TUSC3: variants seen among roughly 807,000 people sequenced by gnomAD.
TUSC3 encodes tumor suppressor candidate 3.
In TUSC3, 45 loss-of-function variants were observed where a neutral mutation model predicts 44.8. The observed-to-expected ratio is 1.00, with a 90% CI of 0.79 to 1.29. The LOEUF is 1.29. Among genes scored for constraint, TUSC3 ranks in the 50% most tolerant of loss-of-function variants. TUSC3 has a pLI of 0.00. For missense variants in TUSC3, 519 were observed against 437.9 expected (o/e 1.19, Z -1.65); for synonymous variants, 212 against 152.9 (o/e 1.39, Z -2.85).
At chr8:15,568,913 C>A (rs149488126) in intron 1 of TUSC3, among the ~76,000 whole-genome samples, 17 of 151,774 alleles carry the variant, frequency 1.1e-4, no homozygotes, top group African/African-American at 4.1e-4. Context: ...TAAGCTTTAA[C>A]CTCATGGTTT....
intron 1 of TUSC3, among the ~76,000 whole-genome samples, chr8:15,431,530 C>A (rs1191660136): frequency 6.6e-6 from 1 of 151,452 alleles, no homozygotes. Flanking sequence ...GTTGTGTATC[C>A]TGCAGTTTTG....
chr8:15,809,771 G>C, the TUSC3 span, among the ~76,000 whole-genome samples: 15 of 152,134 alleles, frequency 9.9e-5, no homozygotes, highest in East Asian at 2.9e-3. Context: ...ACGGATAAAA[G>C]AACGACTGTA....
intron 1 of TUSC3, among the ~76,000 whole-genome samples, chr8:15,566,830 ACCAT>A (rs1802696882): frequency 6.6e-6 from 1 of 152,018 alleles, no homozygotes; most frequent in Admixed American, 6.6e-5. Flanking sequence ...ACAGGATTTT[ACCAT>A]GTTTCCCAGG....
intron 2 of TUSC3, among the ~76,000 whole-genome samples, chr8:15,528,171 C>G (rs567789579): frequency 6.6e-6 from 1 of 151,896 alleles, no homozygotes; most frequent in Non-Finnish European, 1.5e-5. Flanking sequence ...ATAAAAAATA[C>G]TCAGCTCAGC....
chr8:15,546,490 A>G (rs1180696131), intron 1 of TUSC3, among the ~76,000 whole-genome samples: 2 of 151,912 alleles, frequency 1.3e-5, no homozygotes, highest in South Asian at 2.1e-4. Flanking sequence ...ATATATAAAT[A>G]GATTGAATAT....
intron 6 of TUSC3, among the ~76,000 whole-genome samples, chr8:15,703,926 A>C (rs1227701683): frequency 6.6e-6 from 1 of 152,176 alleles, no homozygotes; most frequent in Non-Finnish European, 1.5e-5. Flanking sequence ...TGTCTGCTCT[A>C]TGCTGTCTTA....
intron 6 of TUSC3, among the ~76,000 whole-genome samples, chr8:15,715,067 A>G (rs1193225989): frequency 6.6e-6 from 1 of 152,144 alleles, no homozygotes; most frequent in Non-Finnish European, 1.5e-5. Flanking sequence ...TGTAAAATGG[A>G]AGAATCTGTA....
the TUSC3 span, among the ~76,000 whole-genome samples, chr8:15,843,328 G>C: frequency 6.6e-6 from 1 of 152,030 alleles, no homozygotes; most frequent in Non-Finnish European, 1.5e-5. Flanking sequence ...AAAGCTGGTG[G>C]AATATATCTT....
chr8:15,446,471 A>G (rs1047664980), intron 1 of TUSC3, among the ~76,000 whole-genome samples: 3 of 152,038 alleles, frequency 2.0e-5, no homozygotes, highest in Non-Finnish European at 4.4e-5. Flanking sequence ...TCCGTCTGCA[A>G]TCCCGGCACC....
intron 1 of TUSC3, among the ~76,000 whole-genome samples, chr8:15,579,915 G>T (rs1803260427): frequency 2.3e-5 from 1 of 42,902 alleles, no homozygotes; most frequent in Non-Finnish European, 5.5e-5. Context: ...TTGACAGTGG[G>T]GTGTTAAAGT....
intron 2 of TUSC3, among the ~76,000 whole-genome samples, chr8:15,633,496 T>C (rs571553977): frequency 9.9e-5 from 15 of 152,218 alleles, no homozygotes; most frequent in Non-Finnish European, 1.5e-4. Context: ...AATAGGATAG[T>C]TGTAGATGTA....
In TUSC3 at chr8:15,728,416, A is replaced by G. The variant is rs536925049; in HGVS notation, c.799-2250A>G. On this transcript the variant is annotated intron_variant, in intron 6 of 10. Coordinates refer to ENST00000503731, the MANE Select transcript of TUSC3 (RefSeq NM_006765.4). The stretch of plus-strand genomic sequence containing the variant: ...TGAATTTGGAATGGATTTTGAAAGT[A>G]GAGCCAACAGTATTTTCTGAATGAT... Among the ~76,000 whole-genome samples the G allele has an allele frequency of 1.1e-4, 16 of 142,652 alleles. No individual in the cohort carries two copies. The South Asian group carries it at 4.0e-3, about 36-fold the overall frequency. 93.6% of individuals were successfully genotyped at this position (142,652 alleles called of 152,430 possible).
Position 15,568,513 on chromosome 8 carries a change from G to T in TUSC3, c.138+27945G>T, listed in dbSNP as rs146769232. On this transcript the variant is annotated intron_variant, in intron 1 of 10. Coordinates refer to ENST00000503731, the MANE Select transcript of TUSC3 (RefSeq NM_006765.4). ...ATTGAATTAGGCTTATGTCATTTGT[G>T]ATTTAAGATGTTTTGATAAACATGA... 5.6e-3 allele frequency among the ~76,000 whole-genome samples: 853 copies of T among 151,942 alleles called. 8 individuals are homozygous for T. Among genetic ancestry groups the T allele is most frequent in the Middle Eastern group, 0.014 (4 of 290 alleles).
chr8:15,748,877 A>C (rs556263823), intron 9 of TUSC3: 1 of 396,058 alleles, frequency 2.5e-6, no homozygotes, highest in South Asian at 1.8e-5. Flanking sequence ...TTTCAAAATA[A>C]GAGCCAACAT....
At chr8:15,736,907 C>G (rs1057295929) in intron 7 of TUSC3, among the ~76,000 whole-genome samples, 1 of 152,030 alleles carries the variant, frequency 6.6e-6, no homozygotes, top group Admixed American at 6.6e-5. Context: ...GCTTTAGTGT[C>G]AACTATATAA....
chr8:15,594,350 C>T (rs1304067933), intron 1 of TUSC3, among the ~76,000 whole-genome samples: 1 of 152,066 alleles, frequency 6.6e-6, no homozygotes, highest in Non-Finnish European at 1.5e-5. Context: ...GTAATTTTAA[C>T]ATCAGTGTCA....
At chr8:15,673,436 T>G (rs983954736) in intron 5 of TUSC3, among the ~76,000 whole-genome samples, 1 of 152,112 alleles carries the variant, frequency 6.6e-6, no homozygotes, top group African/African-American at 2.4e-5. Flanking sequence ...TGCTTCTGAC[T>G]GGCTCAGGTG....
intron 1 of TUSC3, among the ~76,000 whole-genome samples, chr8:15,450,778 C>T (rs756517067): frequency 1.3e-5 from 2 of 152,130 alleles, no homozygotes; most frequent in South Asian, 4.1e-4. Flanking sequence ...TGAATGTAAA[C>T]AGAAACAGAT....
chr8:15,512,027 A>G (rs886788040), intron 2 of TUSC3, among the ~76,000 whole-genome samples: 1 of 152,226 alleles, frequency 6.6e-6, no homozygotes, highest in African/African-American at 2.4e-5. Flanking sequence ...TAAAGTTCAT[A>G]TGGAAATGCA....
Sources: gnomAD v4.1 joint callset for allele counts (sites outside exome capture counted in the v4.1 genomes callset) on GRCh38, gnomAD v4.1.1 for gene constraint, MANE v1.5 for transcripts, NCBI Gene and HGNC (gene_info 2026-07-23, HGNC 2026-07-21) for gene names.